MRAP2: variants seen among roughly 807,000 people sequenced by gnomAD.
The protein encoded by MRAP2 is melanocortin-2 receptor accessory protein 2.
MRAP2 carries 20 observed loss-of-function variants against 17.4 expected under a neutral mutation model. That is an observed-to-expected ratio of 1.15 (90% confidence interval 0.81 to 1.67). The LOEUF is 1.67. MRAP2 is among the 40% of genes most tolerant of loss of function. The probability of loss-of-function intolerance (pLI) is 0.00; values close to 1 mark genes in which losing one functional copy is unlikely to be tolerated. For synonymous variants in MRAP2, 96 were observed against 88.4 expected, an observed-to-expected ratio of 1.09 and a Z score of -0.48; for missense variants, 238 against 240.0, an observed-to-expected ratio of 0.99 and a Z score of 0.05.
At chr6:84,044,216 C>T (rs112951686) in intron 1 of MRAP2, among the ~76,000 whole-genome samples, 16,155 of 152,160 alleles carry the variant, frequency 0.11, 979 homozygotes, top group Middle Eastern at 0.23. Flanking sequence ...GACAGAGTTT[C>T]GCTCTTGTTG....
chr6:84,045,300 A>T (rs916005155), intron 1 of MRAP2: 1 of 985,290 alleles, frequency 1.0e-6, no homozygotes, highest in Admixed American at 6.1e-5. Context: ...TGTCAGGTAC[A>T]GCTGATGAGG....
At chr6:84,114,365 G>A in the MRAP2 span, among the ~76,000 whole-genome samples, 4 of 151,770 alleles carry the variant, frequency 2.6e-5, no homozygotes, top group Admixed American at 6.6e-5. Context: ...CCACTTGATC[G>A]ATTTGACTAT....
At chr6:84,072,663 G>C (rs1562886036) in intron 3 of MRAP2, among the ~76,000 whole-genome samples, 1 of 152,184 alleles carries the variant, frequency 6.6e-6, no homozygotes, top group South Asian at 2.1e-4. Context: ...TTTGTCTTTA[G>C]CTACCACGGT....
At chr6:84,113,285 C>T in the MRAP2 span, among the ~76,000 whole-genome samples, 1 of 152,128 alleles carries the variant, frequency 6.6e-6, no homozygotes, top group Non-Finnish European at 1.5e-5. Flanking sequence ...TTATTGGGTG[C>T]ATATATATTT....
intron 1 of MRAP2, among the ~76,000 whole-genome samples, chr6:84,054,260 C>T (rs957755944): frequency 5.9e-5 from 9 of 152,252 alleles, no homozygotes; most frequent in Admixed American, 2.6e-4. Context: ...TCTGCCCACC[C>T]CACAGTGTGC....
chr6:84,046,911 G>C (rs1159887577), intron 1 of MRAP2, among the ~76,000 whole-genome samples: 1 of 151,934 alleles, frequency 6.6e-6, no homozygotes, highest in East Asian at 1.9e-4. Flanking sequence ...GACTCTGTCA[G>C]GGGTTGAAAG....
At chr6:84,102,659 T>A in the MRAP2 span, among the ~76,000 whole-genome samples, 1 of 152,222 alleles carries the variant, frequency 6.6e-6, no homozygotes, top group Non-Finnish European at 1.5e-5. Context: ...ATGTTTGCTA[T>A]AACTTGTTAC....
chr6:84,091,651 T>C (rs1034055913), downstream of MRAP2, among the ~76,000 whole-genome samples: 11 of 152,342 alleles, frequency 7.2e-5, 1 homozygote, highest in African/African-American at 1.4e-4. Flanking sequence ...GTAGATTTAT[T>C]GATCAGAAGA....
At chr6:84,060,454 G>T (rs2099492822) in intron 2 of MRAP2, among the ~76,000 whole-genome samples, 2 of 152,194 alleles carry the variant, frequency 1.3e-5, no homozygotes, top group African/African-American at 4.8e-5. Context: ...CTAATACACA[G>T]ATTTGAAAAA....
intron 1 of MRAP2, among the ~76,000 whole-genome samples, chr6:84,047,668 C>T (rs538615681): frequency 3.5e-4 from 54 of 152,280 alleles, no homozygotes; most frequent in Middle Eastern, 3.4e-3. Context: ...CAAACTGAAA[C>T]TCTTTTACTG....
intron 1 of MRAP2, chr6:84,052,610 A>C (rs1013712281): frequency 6.5e-6 from 1 of 153,228 alleles, no homozygotes; most frequent in African/African-American, 2.4e-5. Context: ...GCTTTAAAGA[A>C]GAGGTCAGAG....
intron 3 of MRAP2, among the ~76,000 whole-genome samples, chr6:84,065,593 C>G (rs986538710): frequency 4.6e-5 from 7 of 152,104 alleles, no homozygotes; most frequent in Non-Finnish European, 8.8e-5. Context: ...TCCTTTTCCT[C>G]AGAAGAACCA....
chr6:84,046,980 GGGCT>G (rs2099489215), intron 1 of MRAP2, among the ~76,000 whole-genome samples: 1 of 151,614 alleles, frequency 6.6e-6, no homozygotes, highest in Non-Finnish European at 1.5e-5. Context: ...AATCCCCACA[GGGCT>G]GCTGAAAAGA....
At chr6:84,096,784 G>A in the MRAP2 span, among the ~76,000 whole-genome samples, 1 of 152,126 alleles carries the variant, frequency 6.6e-6, no homozygotes, top group South Asian at 2.1e-4. Context: ...GCAGGGGCAT[G>A]ATCTTTTGTT....
intron 3 of MRAP2, among the ~76,000 whole-genome samples, chr6:84,066,622 G>A (rs2099494768): frequency 6.6e-6 from 1 of 152,060 alleles, no homozygotes; most frequent in South Asian, 2.1e-4. Context: ...TGATTCCAGG[G>A]TCAACTAATT....
At chr6:84,049,145 C>A (rs866362928) in intron 1 of MRAP2, among the ~76,000 whole-genome samples, 1 of 152,170 alleles carries the variant, frequency 6.6e-6, no homozygotes, top group African/African-American at 2.4e-5. Context: ...TTACTTCTGG[C>A]TGGGTGCGGT....
intron 1 of MRAP2, chr6:84,052,660 A>G (rs560903512): frequency 1.4e-4 from 24 of 173,546 alleles, no homozygotes; most frequent in Non-Finnish European, 2.5e-4. Context: ...TCAAGAAGTG[A>G]GAGGAAAGAG....
At chr6:84,141,151 T>C in the MRAP2 span, among the ~76,000 whole-genome samples, 7 of 152,152 alleles carry the variant, frequency 4.6e-5, no homozygotes, top group Non-Finnish European at 8.8e-5. Flanking sequence ...TAACAGGCCA[T>C]GAACTGGTAC....
the MRAP2 span, among the ~76,000 whole-genome samples, chr6:84,131,819 T>C: frequency 1.3e-5 from 2 of 152,138 alleles, no homozygotes; most frequent in Non-Finnish European, 2.9e-5. Context: ...TGTCTTTTAA[T>C]TGGAGCATTT....
Sources: gnomAD v4.1 joint callset for allele counts (sites outside exome capture counted in the v4.1 genomes callset) on GRCh38, gnomAD v4.1.1 for gene constraint, MANE v1.5 for transcripts, NCBI Gene and HGNC (gene_info 2026-07-23, HGNC 2026-07-21) for gene names.